Variants in ST6GAL2 observed in about 807,000 individuals in gnomAD.
ST6GAL2 encodes ST6 beta-galactoside alpha-2,6-sialyltransferase 2.
In ST6GAL2, 24 loss-of-function variants were observed where a neutral mutation model predicts 37.5. The ratio of observed to expected loss-of-function variants is 0.64; its 90% CI spans 0.46 to 0.90. The LOEUF is 0.90. Among genes scored for constraint, ST6GAL2 ranks in the 40% least tolerant of loss-of-function variants. The probability of loss-of-function intolerance (pLI) is 0.00; values close to 1 mark genes in which losing one functional copy is unlikely to be tolerated. For missense variants in ST6GAL2, 715 were observed against 712.7 expected (o/e 1.00, Z -0.04); for synonymous variants, 306 against 295.1 (o/e 1.04, Z -0.38).
intron 5 of ST6GAL2, among the ~76,000 whole-genome samples, chr2:106,828,629 A>G (rs1676294399): frequency 1.3e-5 from 2 of 152,314 alleles, no homozygotes; most frequent in African/African-American, 4.8e-5. Context: ...TCCTGAATTC[A>G]TAACCAAACC....
Position 106,882,900 on chromosome 2 carries a change from T to C in ST6GAL2, c.-58+3193A>G, listed in dbSNP as rs1295570710. Among the ~76,000 whole-genome samples the C allele has an allele frequency of 3.3e-5, 5 of 152,344 alleles. No homozygotes were observed. In the East Asian group the frequency reaches 5.8e-4, roughly 18 times the overall value. Reference sequence around the variant, plus strand: ...CCGTCCAGATAGAAGTCCTCCGCAGTGGGCAGCATGCCTCTGATGTCATTT... The same window carrying C: ...CCGTCCAGATAGAAGTCCTCCGCAGCGGGCAGCATGCCTCTGATGTCATTT... On this transcript the variant is annotated intron_variant, in intron 1 of 5. Transcript: ENST00000409382.
At chr2:106,867,416 G>A (rs1253474825) in intron 1 of ST6GAL2, among the ~76,000 whole-genome samples, 6 of 151,988 alleles carry the variant, frequency 3.9e-5, no homozygotes, top group African/African-American at 1.5e-4. Context: ...CCCTTTCTCT[G>A]AATCATTTCA....
chr2:106,843,020 C>T lies in ST6GAL2; in HGVS notation c.943+15G>A, dbSNP rs1676959263. On this transcript the variant is annotated intron_variant, in intron 2 of 5. Coordinates refer to ENST00000409382, the MANE Select transcript of ST6GAL2 (RefSeq NM_001142351.2). Reference sequence around the variant, plus strand: ...GCTCAAGACAGGGCGACCTGGTCCCCCCGCTGAGACCTACCTATTTCCTCG... The same window carrying T: ...GCTCAAGACAGGGCGACCTGGTCCCTCCGCTGAGACCTACCTATTTCCTCG... 2.2e-6 allele frequency: 3 copies of T among 1,381,988 alleles called. No individual in the cohort carries two copies. Among genetic ancestry groups the T allele is most frequent in the Admixed American group, 6.4e-5 (2 of 31,366 alleles). The allele number at this position is 1,381,988 out of a possible 1,614,324, so 85.6% of individuals were successfully genotyped here. A position where few individuals can be genotyped will look rare whatever the true frequency, so the allele number is the denominator to read the frequency against.
At position 106,874,926 on chromosome 2, in the gene ST6GAL2, C is replaced by T. The variant is rs374691001; in HGVS notation, c.-58+11167G>A. Among the ~76,000 whole-genome samples the T allele has an allele frequency of 2.6e-4, 40 of 152,336 alleles. No homozygotes were observed. The South Asian group carries it at 7.0e-3, about 27-fold the overall frequency. On this transcript the variant is annotated intron_variant, in intron 1 of 5. Transcript: ENST00000409382. ...AGACACCAAATCATTAGAACCTTAA[C>T]GCTGTGTCAACTTTGGCTGCCAAAT...
At chr2:106,814,653 G>A (rs1675733135) in intron 5 of ST6GAL2, among the ~76,000 whole-genome samples, 1 of 152,218 alleles carries the variant, frequency 6.6e-6, no homozygotes. Context: ...AGCCGGGGTG[G>A]GTGAGGCTGG....
intron 5 of ST6GAL2, among the ~76,000 whole-genome samples, chr2:106,829,712 T>C (rs1478922540): frequency 6.6e-6 from 1 of 152,066 alleles, no homozygotes; most frequent in Non-Finnish European, 1.5e-5. Flanking sequence ...TTAACCTACC[T>C]TCCCTCCAAA....
At chr2:106,810,835 G>A (rs968179518) in intron 5 of ST6GAL2, among the ~76,000 whole-genome samples, 25 of 152,122 alleles carry the variant, frequency 1.6e-4, no homozygotes, top group African/African-American at 3.4e-4. Context: ...GCCTGTGGTC[G>A]CAGCTACTCA....
intron 1 of ST6GAL2, among the ~76,000 whole-genome samples, chr2:106,865,621 C>T (rs750489734): frequency 3.7e-4 from 57 of 152,290 alleles, no homozygotes; most frequent in Middle Eastern, 3.4e-3. Context: ...ATTTATGTGG[C>T]TTAACTTTTA....
chr2:106,865,549 A>T (rs569420815), intron 1 of ST6GAL2, among the ~76,000 whole-genome samples: 1 of 152,368 alleles, frequency 6.6e-6, no homozygotes, highest in African/African-American at 2.4e-5. Flanking sequence ...AGTAACAGGT[A>T]GTAAGCAATA....
At position 106,849,460 on chromosome 2, in the gene ST6GAL2, C is replaced by T. The variant is rs559221742; in HGVS notation, c.-57-5426G>A. Among the ~76,000 whole-genome samples, 12 of 152,238 alleles carry T rather than the reference C, an allele frequency of 7.9e-5. No homozygotes were observed. In the East Asian group the frequency reaches 1.2e-3, roughly 15 times the overall value. The stretch of plus-strand genomic sequence containing the variant: ...CCAACCTGACTCTGGTATAGCATCA[C>T]GTGACAGTTAGAAGACCCTGAAGGA... On this transcript the variant is annotated intron_variant, in intron 1 of 5. Transcript: ENST00000409382.
At chr2:106,882,272 T>C (rs945720524) in intron 1 of ST6GAL2, among the ~76,000 whole-genome samples, 1 of 152,170 alleles carries the variant, frequency 6.6e-6, no homozygotes, top group African/African-American at 2.4e-5. Context: ...GGAGTTGTCA[T>C]TCTTGTTTTC....
At chr2:106,878,703 G>T (rs1678611233) in intron 1 of ST6GAL2, among the ~76,000 whole-genome samples, 1 of 152,168 alleles carries the variant, frequency 6.6e-6, no homozygotes, top group African/African-American at 2.4e-5. Flanking sequence ...ATATACAGGA[G>T]AATCTGCCTA....
intron 5 of ST6GAL2, among the ~76,000 whole-genome samples, chr2:106,811,811 GAAGA>G (rs1447805049): frequency 2.0e-5 from 3 of 152,080 alleles, no homozygotes; most frequent in African/African-American, 7.2e-5. Context: ...GATTCAATAG[GAAGA>G]CCCAGAATCT....
chr2:106,868,503 A>G (rs901447039), intron 1 of ST6GAL2, among the ~76,000 whole-genome samples: 1 of 152,242 alleles, frequency 6.6e-6, no homozygotes, highest in African/African-American at 2.4e-5. Flanking sequence ...CATAGGTCAT[A>G]AATTTTTAGA....
intron 1 of ST6GAL2, among the ~76,000 whole-genome samples, chr2:106,885,623 G>C (rs1034609912): frequency 6.6e-6 from 1 of 152,016 alleles, no homozygotes; most frequent in Admixed American, 6.5e-5. Context: ...TATCCACTCC[G>C]TAACACCGCG....
At chr2:106,875,817 T>C (rs537134151) in intron 1 of ST6GAL2, among the ~76,000 whole-genome samples, 2 of 152,308 alleles carry the variant, frequency 1.3e-5, no homozygotes, top group South Asian at 4.1e-4. Context: ...CATATTATAA[T>C]TGGGATAGAA....
chr2:106,840,763 C>T (rs561089340), intron 2 of ST6GAL2, among the ~76,000 whole-genome samples: 15 of 152,270 alleles, frequency 9.9e-5, no homozygotes, highest in African/African-American at 3.6e-4. Flanking sequence ...AGATTCTGGT[C>T]AGGGATATTT....
intron 1 of ST6GAL2, among the ~76,000 whole-genome samples, chr2:106,848,991 C>A (rs2104540725): frequency 6.6e-6 from 1 of 152,252 alleles, no homozygotes; most frequent in South Asian, 2.1e-4. Context: ...GCATATATAC[C>A]TGGTCTTGTA....
chr2:106,814,483 T>C (rs1468515985), intron 5 of ST6GAL2, among the ~76,000 whole-genome samples: 1 of 140,742 alleles, frequency 7.1e-6, no homozygotes, highest in African/African-American at 2.6e-5. Flanking sequence ...CGAGTAGTGT[T>C]TGCGTTCAAA....
Sources: gnomAD v4.1 joint callset for allele counts (sites outside exome capture counted in the v4.1 genomes callset) on GRCh38, gnomAD v4.1.1 for gene constraint, MANE v1.5 for transcripts, NCBI Gene and HGNC (gene_info 2026-07-23, HGNC 2026-07-21) for gene names.